Variants in PDE4D observed in about 807,000 individuals in gnomAD.
PDE4D encodes the protein phosphodiesterase 4D.
A neutral mutation model predicts 87.4 loss-of-function variants in PDE4D; 24 were observed. The ratio of observed to expected loss-of-function variants is 0.27; its 90% confidence interval spans 0.20 to 0.39. The LOEUF is 0.39. PDE4D is among the 10% of genes least tolerant of loss of function. PDE4D has a pLI of 1.00. For synonymous variants in PDE4D, 384 were observed against 383.2 expected, an observed-to-expected ratio of 1.00 and a Z score of -0.02; for missense variants, 714 against 1,041.0, an observed-to-expected ratio of 0.69 and a Z score of 4.32.
intron 2 of PDE4D, among the ~76,000 whole-genome samples, chr5:60,002,192 G>C (rs1764085849): frequency 6.6e-6 from 1 of 151,732 alleles, no homozygotes; most frequent in Non-Finnish European, 1.5e-5. Context: ...GATACACATA[G>C]GCTGAAAGCA....
intron 1 of PDE4D, among the ~76,000 whole-genome samples, chr5:59,564,099 G>T (rs291117): frequency 0.098 from 14,935 of 152,212 alleles, 774 homozygotes; most frequent in African/African-American, 0.12. Context: ...TGAGCTTGGG[G>T]AAGTTACTTA....
chr5:60,160,702 A>G (rs915146397), intron 2 of PDE4D: 5 of 335,610 alleles, frequency 1.5e-5, no homozygotes, highest in South Asian at 9.4e-5. Flanking sequence ...TTTGACTATC[A>G]TGGTTCTATG....
chr5:59,881,841 G>A (rs1749475079), intron 1 of PDE4D, among the ~76,000 whole-genome samples: 1 of 152,174 alleles, frequency 6.6e-6, no homozygotes, highest in Non-Finnish European at 1.5e-5. Context: ...ATGGTATTAT[G>A]ACAGGTTTGG....
chr5:59,728,197 C>T (rs1756880157), intron 1 of PDE4D, among the ~76,000 whole-genome samples: 1 of 152,070 alleles, frequency 6.6e-6, no homozygotes, highest in Admixed American at 6.6e-5. Flanking sequence ...GAAGAGATGA[C>T]ATTAAGACTT....
chr5:58,984,935 G>A (rs1395669161), intron 11 of PDE4D, among the ~76,000 whole-genome samples: 1 of 151,960 alleles, frequency 6.6e-6, no homozygotes, highest in African/African-American at 2.4e-5. Context: ...TATTTGAGAT[G>A]GAGTTTCACT....
At chr5:59,615,504 A>G (rs913826995) in intron 1 of PDE4D, among the ~76,000 whole-genome samples, 3 of 152,226 alleles carry the variant, frequency 2.0e-5, no homozygotes, top group Non-Finnish European at 2.9e-5. Flanking sequence ...AAAAGTGGGT[A>G]AAGAGTCAAA....
intron 1 of PDE4D, among the ~76,000 whole-genome samples, chr5:59,831,746 G>A (rs930855972): frequency 8.5e-5 from 13 of 152,156 alleles, no homozygotes; most frequent in African/African-American, 3.1e-4. Flanking sequence ...GAAATCCTAA[G>A]AAGCACTTGC....
chr5:60,167,615 T>C (rs912560286), intron 2 of PDE4D, among the ~76,000 whole-genome samples: 6 of 152,208 alleles, frequency 3.9e-5, no homozygotes, highest in African/African-American at 1.4e-4. Flanking sequence ...TTCATTTTCA[T>C]TTTGTTCATT....
chr5:59,770,352 T>A (rs979997973), intron 1 of PDE4D, among the ~76,000 whole-genome samples: 7 of 152,088 alleles, frequency 4.6e-5, no homozygotes, highest in African/African-American at 1.7e-4. Context: ...TGGAAAGGAT[T>A]GGACAATACT....
At chr5:59,981,527 T>C (rs1000538165) in intron 3 of PDE4D, among the ~76,000 whole-genome samples, 1 of 152,212 alleles carries the variant, frequency 6.6e-6, no homozygotes, top group Non-Finnish European at 1.5e-5. Flanking sequence ...TAAAATTTCA[T>C]CTAGCTCAAG....
At chr5:60,191,584 C>T (rs562594500) in intron 1 of PDE4D, among the ~76,000 whole-genome samples, 1 of 152,280 alleles carries the variant, frequency 6.6e-6, no homozygotes, top group Admixed American at 6.5e-5. Context: ...AACCTCTTAC[C>T]TTTATAAATT....
At chr5:59,019,908 T>G (rs1754778995) in intron 6 of PDE4D, among the ~76,000 whole-genome samples, 1 of 150,574 alleles carries the variant, frequency 6.6e-6, no homozygotes, top group African/African-American at 2.4e-5. Context: ...TCTATCTATC[T>G]ATCTATGTGT....
intron 1 of PDE4D, among the ~76,000 whole-genome samples, chr5:60,404,345 G>T (rs956103800): frequency 4.9e-5 from 6 of 121,592 alleles, no homozygotes; most frequent in African/African-American, 2.7e-4. Flanking sequence ...GGAACAATGG[G>T]CTTTGTTAAC....
chr5:59,074,182 A>G (rs1156615034), intron 5 of PDE4D, among the ~76,000 whole-genome samples: 1 of 152,222 alleles, frequency 6.6e-6, no homozygotes, highest in Non-Finnish European at 1.5e-5. Context: ...TTATATGGGG[A>G]ATAAATGATT....
At chr5:59,747,144 G>T (rs897008007) in intron 1 of PDE4D, among the ~76,000 whole-genome samples, 1 of 151,950 alleles carries the variant, frequency 6.6e-6, no homozygotes, top group African/African-American at 2.4e-5. Context: ...GACAGATAAC[G>T]GTGCCCCATA....
intron 6 of PDE4D, among the ~76,000 whole-genome samples, chr5:59,009,453 G>A (rs1189971997): frequency 1.3e-5 from 2 of 152,018 alleles, no homozygotes; most frequent in Non-Finnish European, 2.9e-5. Context: ...TGTATTATAA[G>A]TGAAACTTAT....
chr5:59,077,295 G>T (rs532553594), intron 5 of PDE4D, among the ~76,000 whole-genome samples: 1 of 152,078 alleles, frequency 6.6e-6, no homozygotes, highest in African/African-American at 2.4e-5. Flanking sequence ...TTGTCCCTAA[G>T]GTACATTCAA....
chr5:60,026,070 A>C (rs565413068), intron 2 of PDE4D, among the ~76,000 whole-genome samples: 68 of 152,214 alleles, frequency 4.5e-4, no homozygotes, highest in Non-Finnish European at 6.9e-4. Context: ...TTATAACATG[A>C]AATGATAGTT....
intron 1 of PDE4D, among the ~76,000 whole-genome samples, chr5:59,481,130 A>G (rs927701163): frequency 6.6e-6 from 1 of 152,138 alleles, no homozygotes; most frequent in African/African-American, 2.4e-5. Context: ...GCAAAGGCGC[A>G]GCTATTCTGA....
Sources: gnomAD v4.1 joint callset for allele counts (sites outside exome capture counted in the v4.1 genomes callset) on GRCh38, gnomAD v4.1.1 for gene constraint, MANE v1.5 for transcripts, NCBI Gene and HGNC (gene_info 2026-07-23, HGNC 2026-07-21) for gene names.